CEP89: variants seen among roughly 807,000 people sequenced by gnomAD.
CEP89 encodes centrosomal protein of 89 kDa.
Under a neutral mutation model 97.6 loss-of-function variants are expected in CEP89, and 95 were observed. That is an observed-to-expected ratio of 0.97 (90% CI 0.82 to 1.15). The LOEUF (loss-of-function observed/expected upper bound fraction) is 1.15, where lower values mean the gene tolerates loss of function less well. Ranked by LOEUF, CEP89 falls within the 50% of genes most tolerant of loss-of-function variation. CEP89 has a pLI of 0.00. For synonymous variants in CEP89, 354 were observed against 349.1 expected (o/e 1.01, Z -0.16); for missense variants, 869 against 947.7 (o/e 0.92, Z 1.09).
Position 32,879,048 on chromosome 19 carries a change from C to T in CEP89, c.*114G>A, listed in dbSNP as rs1295813519. 6.9e-6 allele frequency: 5 copies of T among 723,366 alleles called. No homozygotes were observed. The highest frequency in any genetic ancestry group is 5.0e-5 in the Admixed American group (2 of 39,908). The allele number at this position is 723,366 out of a possible 1,614,324, so 44.8% of individuals were successfully genotyped here. On this transcript the variant is annotated 3_prime_UTR_variant, in exon 19 of 19. Coordinates refer to ENST00000305768, the MANE Select transcript of CEP89 (RefSeq NM_032816.5). ...CATTTATTTCTTCCCTGCCCTGCAG[C>T]GTTCAGTGGGCTTACGCACCTCCGG...
intron 4 of CEP89, among the ~76,000 whole-genome samples, chr19:32,948,676 G>T (rs950254952): frequency 1.3e-5 from 2 of 151,944 alleles, no homozygotes; most frequent in African/African-American, 4.8e-5. Flanking sequence ...CCCTGCCAGG[G>T]ACCACCCAAT....
intron 17 of CEP89, among the ~76,000 whole-genome samples, chr19:32,883,612 T>C (rs1334347987): frequency 6.6e-6 from 1 of 152,058 alleles, no homozygotes; most frequent in Non-Finnish European, 1.5e-5. Context: ...GAGGCAGAGG[T>C]TGCAGTGAGC....
intron 4 of CEP89, among the ~76,000 whole-genome samples, chr19:32,951,522 TATATATATATATAC>T (rs1350046934): frequency 2.7e-4 from 14 of 51,300 alleles, no homozygotes; most frequent in Non-Finnish European, 5.0e-4. Flanking sequence ...TATATATATA[TATATATATATATAC>T]ACACACACAC....
rs916703954 is a variant in CEP89 at position 32,907,070 on chromosome 19, A to G, written c.1566-5658T>C. On this transcript the variant is annotated intron_variant, in intron 14 of 18. Coordinates refer to ENST00000305768, the MANE Select transcript of CEP89 (RefSeq NM_032816.5). ...TTATTCCCTGTGGCTTAAGGAAGAA[A>G]GACCAGGGGCCAGGCATGGTGGCTC... Among the ~76,000 whole-genome samples, 8 of 152,206 alleles carry G rather than the reference A, an allele frequency of 5.3e-5. 1 individual carries two copies. Among genetic ancestry groups the G allele is most frequent in the Admixed American group, 5.2e-4 (8 of 15,268 alleles).
chr19:32,967,209 G>A (rs530684603), intron 1 of CEP89, among the ~76,000 whole-genome samples: 1 of 152,128 alleles, frequency 6.6e-6, no homozygotes, highest in Non-Finnish European at 1.5e-5. Flanking sequence ...TAAGCTTTTA[G>A]GTGGCTTATC....
chr19:32,904,110 T>C (rs1969840250), intron 14 of CEP89, among the ~76,000 whole-genome samples: 1 of 152,146 alleles, frequency 6.6e-6, no homozygotes, highest in South Asian at 2.1e-4. Context: ...GAGCAAGCAG[T>C]GATTGCACCA....
intron 4 of CEP89, 34 bp downstream of exon 4, chr19:32,953,581 A>G: frequency 6.5e-7 from 1 of 1,538,348 alleles, no homozygotes; most frequent in Non-Finnish European, 8.9e-7. Flanking sequence ...ATCAGGGTGA[A>G]TGTCAAGAAG....
intron 2 of CEP89, chr19:32,965,996 C>G (rs559939763): frequency 6.5e-6 from 1 of 154,296 alleles, no homozygotes; most frequent in Non-Finnish European, 1.4e-5. Flanking sequence ...CCAGCCTGGG[C>G]AACAGAACAA....
chr19:32,930,349 A>C (rs1163434095), intron 9 of CEP89, among the ~76,000 whole-genome samples: 1 of 152,082 alleles, frequency 6.6e-6, no homozygotes, highest in Non-Finnish European at 1.5e-5. Flanking sequence ...ATTTAACAAA[A>C]GTGCTCTAAA....
chr19:32,880,471 C>CA (rs1190324356), intron 18 of CEP89, among the ~76,000 whole-genome samples: 1 of 151,744 alleles, frequency 6.6e-6, no homozygotes, highest in Non-Finnish European at 1.5e-5. Context: ...CTCATCTCTA[C>CA]AAAAAACTTA....
Position 32,879,133 on chromosome 19 carries a change from G to A in CEP89, c.*29C>T. The A allele has an allele frequency of 6.4e-7, 1 of 1,562,642 alleles. No homozygotes were observed. Among genetic ancestry groups the A allele is most frequent in the Non-Finnish European group, 8.7e-7 (1 of 1,148,674 alleles). On this transcript the variant is annotated 3_prime_UTR_variant, in exon 19 of 19. Coordinates refer to ENST00000305768, the MANE Select transcript of CEP89 (RefSeq NM_032816.5). ...TGTGAGGCAGACCTTTCAGGCCAGA[G>A]GAGGCTACACCACGGGCTCCCGCAG...
chr19:32,890,760 G>A (rs569198094), intron 16 of CEP89, among the ~76,000 whole-genome samples: 1 of 152,230 alleles, frequency 6.6e-6, no homozygotes, highest in Non-Finnish European at 1.5e-5. Flanking sequence ...TGAGACTGGT[G>A]CAGGGAGCTC....
intron 1 of CEP89, among the ~76,000 whole-genome samples, chr19:32,966,848 CTTTGT>C (rs1346024818): frequency 1.3e-5 from 2 of 152,110 alleles, no homozygotes; most frequent in African/African-American, 4.8e-5. Flanking sequence ...TTGTTTTTCG[CTTTGT>C]TTTGTTTTTG....
Position 32,879,167 on chromosome 19 carries a change from AG to A in CEP89, c.2346del (p.Cys783AlafsTer47). ...ACCACGGGCTCCCGCAGATTCTAGC[AG>A]GTGGGGGCATGAGACTTCAGGTCAT... ...CSYDLKSHAP[T>X]C On this transcript the variant is annotated frameshift_variant, in exon 19 of 19. Transcript: ENST00000305768. LOFTEE classifies it high-confidence loss of function. 1 of 1,606,160 alleles carries A rather than the reference AG, an allele frequency of 6.2e-7. No individual in the cohort carries two copies. Among genetic ancestry groups the A allele is most frequent in the Non-Finnish European group, 8.5e-7 (1 of 1,175,080 alleles).
At chr19:32,896,390 T>C (rs1025484292) in intron 16 of CEP89, among the ~76,000 whole-genome samples, 2 of 152,122 alleles carry the variant, frequency 1.3e-5, no homozygotes, top group East Asian at 1.9e-4. Context: ...CTTCAATACA[T>C]GGTGCTGGGA....
At chr19:32,892,699 T>G (rs1243033483) in intron 16 of CEP89, among the ~76,000 whole-genome samples, 2 of 145,946 alleles carry the variant, frequency 1.4e-5, no homozygotes, top group African/African-American at 5.1e-5. Context: ...AAAAAACCTG[T>G]CAGCCAGCCA....
intron 14 of CEP89, among the ~76,000 whole-genome samples, chr19:32,910,302 G>GAGAGCGAGAGAGA (rs1969973371): frequency 1.1e-5 from 1 of 89,508 alleles, no homozygotes; most frequent in Non-Finnish European, 2.3e-5. Flanking sequence ...AGAGAGAGAG[G>GAGAGCGAGAGAGA]GAGGGAGGGA....
At chr19:32,925,485 CTTTTTTTTTT>C (rs67751450) in intron 11 of CEP89, among the ~76,000 whole-genome samples, 3 of 120,128 alleles carry the variant, frequency 2.5e-5, no homozygotes, top group African/African-American at 1.0e-4. Context: ...CCAAATAGCC[CTTTTTTTTTT>C]TTTTTTTTTT....
At chr19:32,905,555 G>C (rs1391019934) in intron 14 of CEP89, among the ~76,000 whole-genome samples, 1 of 151,360 alleles carries the variant, frequency 6.6e-6, no homozygotes. Flanking sequence ...TCTTCTTCTT[G>C]AGTCAGTTTT....
Sources: allele counts gnomAD v4.1 joint callset (sites outside exome capture counted in the v4.1 genomes callset), GRCh38; gene constraint gnomAD v4.1.1; transcripts MANE v1.5; gene names NCBI Gene and HGNC (gene_info 2026-07-23, HGNC 2026-07-21).